The following GPR39 variants were observed in gnomAD, a reference collection of about 807,000 sequenced individuals.
The protein encoded by GPR39 is G protein-coupled receptor 39, also known as zinc sensing receptor.
In GPR39, 23 loss-of-function variants were observed where a neutral mutation model predicts 18.4. That is an observed-to-expected ratio of 1.25 (90% CI 0.90 to 1.77). GPR39 has a LOEUF of 1.77. GPR39 is among the 40% of genes most tolerant of loss of function. The pLI is 0.00. For synonymous variants in GPR39, 280 were observed against 257.9 expected, an observed-to-expected ratio of 1.09 and a Z score of -0.82; for missense variants, 647 against 602.4, an observed-to-expected ratio of 1.07 and a Z score of -0.78.
chr2:132,492,926 T>C (rs368844893), intron 1 of GPR39, among the ~76,000 whole-genome samples: 13 of 143,564 alleles, frequency 9.1e-5, no homozygotes, highest in East Asian at 8.5e-4. Context: ...ACCATATATA[T>C]ACACCATATA....
chr2:132,597,649 CT>C (rs1680969961), intron 1 of GPR39, among the ~76,000 whole-genome samples: 2 of 152,330 alleles, frequency 1.3e-5, no homozygotes, highest in African/African-American at 4.8e-5. Context: ...CTGCTAAACA[CT>C]GTAAAGCCAT....
chr2:132,577,745 A>T (rs1680554016), intron 1 of GPR39, among the ~76,000 whole-genome samples: 1 of 152,152 alleles, frequency 6.6e-6, no homozygotes, highest in Admixed American at 6.5e-5. Flanking sequence ...CTGTAACCTT[A>T]TTGAACTCAC....
chr2:132,554,481 T>C (rs1680108286), intron 1 of GPR39, among the ~76,000 whole-genome samples: 1 of 152,152 alleles, frequency 6.6e-6, no homozygotes, highest in African/African-American at 2.4e-5. Flanking sequence ...AAGGAATGAA[T>C]GAGGGGATTT....
chr2:132,468,015 T>A (rs1035962179), intron 1 of GPR39, among the ~76,000 whole-genome samples: 3 of 152,182 alleles, frequency 2.0e-5, no homozygotes, highest in African/African-American at 7.2e-5. Context: ...AATTTGCATT[T>A]CTCAAATCTC....
intron 1 of GPR39, among the ~76,000 whole-genome samples, chr2:132,424,245 T>C (rs1315194778): frequency 6.6e-6 from 1 of 152,240 alleles, no homozygotes; most frequent in Non-Finnish European, 1.5e-5. Context: ...GATACAACTC[T>C]ACACATTATT....
At chr2:132,564,343 A>G (rs1299703148) in intron 1 of GPR39, among the ~76,000 whole-genome samples, 1 of 152,198 alleles carries the variant, frequency 6.6e-6, no homozygotes, top group African/African-American at 2.4e-5. Flanking sequence ...CCCTCCCAGG[A>G]AACATTCAGA....
intron 1 of GPR39, chr2:132,488,839 G>A: frequency 5.7e-6 from 1 of 175,306 alleles, no homozygotes. Context: ...CTGCGCCCTG[G>A]CTGTCAGCAC....
At chr2:132,475,435 A>G (rs968264881) in intron 1 of GPR39, among the ~76,000 whole-genome samples, 2 of 151,948 alleles carry the variant, frequency 1.3e-5, no homozygotes, top group African/African-American at 4.8e-5. Context: ...TCTGCCATGC[A>G]CCTATTTCCA....
chr2:132,478,518 A>C (rs554481477), intron 1 of GPR39, among the ~76,000 whole-genome samples: 3 of 152,360 alleles, frequency 2.0e-5, no homozygotes, highest in African/African-American at 7.2e-5. Flanking sequence ...ATACTGGATG[A>C]GCTTCCCAAT....
chr2:132,489,388 T>G lies in GPR39; in HGVS notation c.856+71490T>G, dbSNP rs374803599. Among the ~76,000 whole-genome samples the G allele has an allele frequency of 8.1e-4, 123 of 152,216 alleles. No homozygotes were observed. In the Middle Eastern group the frequency reaches 0.027, roughly 34 times the overall value. ...CGCTGGCGGCTCCTGGGCCGGGGAC[T>G]TGCTGCTCCTAGCTCTGGTGACTGT... is the stretch of plus-strand genomic sequence containing the variant. On this transcript the variant is annotated intron_variant, in intron 1 of 1. Coordinates refer to ENST00000329321, the MANE Select transcript of GPR39 (RefSeq NM_001508.3).
rs146648383 is a variant in GPR39, at chr2:132,614,581, C to T, written c.857-30520C>T. 7.1e-4 allele frequency among the ~76,000 whole-genome samples: 105 copies of T among 147,354 alleles called. 1 individual carries two copies. Among genetic ancestry groups the T allele is most frequent in the African/African-American group, 2.5e-3 (99 of 39,796 alleles). On this transcript the variant is annotated intron_variant, in intron 1 of 1. Coordinates refer to ENST00000329321, the MANE Select transcript of GPR39 (RefSeq NM_001508.3). ...TTAAAAGTCTCTTGAGATGGAGTCTCGCCCTGTTGCCCAGGCTGGAATGCA... is the reference window on the plus strand; with the variant it reads ...TTAAAAGTCTCTTGAGATGGAGTCTTGCCCTGTTGCCCAGGCTGGAATGCA...
intron 1 of GPR39, among the ~76,000 whole-genome samples, chr2:132,494,082 G>T (rs1681591100): frequency 6.6e-6 from 1 of 152,104 alleles, no homozygotes; most frequent in African/African-American, 2.4e-5. Flanking sequence ...GCTAGGACGT[G>T]AGGGAGTAGG....
Position 132,593,822 on chromosome 2 carries a change from G to T in GPR39, c.857-51279G>T, listed in dbSNP as rs185497142. The stretch of plus-strand genomic sequence containing the variant: ...TCACATTAGAGAGATATTTGAGGCT[G>T]CAAGTCCTGAGACCTTGTGGCACTG... On this transcript the variant is annotated intron_variant, in intron 1 of 1. Transcript: ENST00000329321. Among the ~76,000 whole-genome samples the T allele has an allele frequency of 2.6e-3, 395 of 152,192 alleles. 1 individual carries two copies. The highest frequency in any genetic ancestry group is 3.8e-3 in the Non-Finnish European group (261 of 68,010).
In GPR39 at chr2:132,622,373, G is replaced by A. The variant is rs187405441; in HGVS notation, c.857-22728G>A. Among the ~76,000 whole-genome samples, 561 of 152,240 alleles carry A rather than the reference G, an allele frequency of 3.7e-3. 2 individuals are homozygous for A. The highest frequency in any genetic ancestry group is 0.013 in the African/African-American group (536 of 41,556). On this transcript the variant is annotated intron_variant, in intron 1 of 1. Coordinates refer to ENST00000329321, the MANE Select transcript of GPR39 (RefSeq NM_001508.3). Reference sequence around the variant, plus strand: ...CGCACCATTGCACTCCAGCCTGGGCGACAGAGTGAGACTCCCTCTCAAAAA... The same window carrying A: ...CGCACCATTGCACTCCAGCCTGGGCAACAGAGTGAGACTCCCTCTCAAAAA...
At position 132,645,396 on chromosome 2, in the gene GPR39, C is replaced by T. The variant is rs142925280; in HGVS notation, c.1152C>T (p.Ser384=). 87 of 1,613,552 alleles carry T rather than the reference C, an allele frequency of 5.4e-5. No individual in the cohort carries two copies. The highest frequency in any genetic ancestry group is 1.0e-4 in the Admixed American group (6 of 59,996). The stretch of plus-strand genomic sequence containing the variant: ...TACATGCGCACTCCACCACCGACAG[C>T]GCCCGCTTTGTGCAGCGCCCGTTGC... ...LRVHAHSTTD[S]ARFVQRPLLF... is the part of the protein sequence containing the mutation. Residue 384 remains serine (S), a synonymous_variant, in exon 2 of 2, where the codon AGC becomes AGT. Transcript: ENST00000329321.
At chr2:132,590,140 G>T (rs1680802485) in intron 1 of GPR39, among the ~76,000 whole-genome samples, 2 of 152,110 alleles carry the variant, frequency 1.3e-5, no homozygotes, top group Non-Finnish European at 2.9e-5. Context: ...TGATGCTATT[G>T]AGCAACAGAA....
chr2:132,463,212 G>C (rs1260620001), intron 1 of GPR39, among the ~76,000 whole-genome samples: 3 of 152,142 alleles, frequency 2.0e-5, no homozygotes, highest in Non-Finnish European at 4.4e-5. Context: ...AGTTATGACT[G>C]GCAAAGAGTG....
At chr2:132,443,894 A>T (rs1680482116) in intron 1 of GPR39, among the ~76,000 whole-genome samples, 1 of 152,078 alleles carries the variant, frequency 6.6e-6, no homozygotes. Context: ...ACATAGGGAA[A>T]CCCTGTCTCT....
Position 132,646,386 on chromosome 2 carries a change from G to A in GPR39, c.*780G>A. 4.6e-6 allele frequency: 3 copies of A among 655,148 alleles called. No homozygotes were observed. The highest frequency in any genetic ancestry group is 4.2e-5 in the Admixed American group (1 of 24,074). The allele number at this position is 655,148 out of a possible 1,614,324, so 40.6% of individuals were successfully genotyped here. ...ACAGCTCTTCCTTACTCCTCCCACA[G>A]CCCAGAGACTAGGTGAGGTCAGGGA... is the stretch of plus-strand genomic sequence containing the variant. On this transcript the variant is annotated 3_prime_UTR_variant, in exon 2 of 2. Coordinates refer to ENST00000329321, the MANE Select transcript of GPR39 (RefSeq NM_001508.3).
Sources: gnomAD v4.1 joint callset for allele counts (sites outside exome capture counted in the v4.1 genomes callset) on GRCh38, gnomAD v4.1.1 for gene constraint, MANE v1.5 for transcripts, NCBI Gene and HGNC (gene_info 2026-07-23, HGNC 2026-07-21) for gene names.